Variants in TTC28 observed in about 807,000 individuals in gnomAD.
TTC28 encodes the protein tetratricopeptide repeat domain 28.
In TTC28, 61 loss-of-function variants were observed where a neutral mutation model predicts 198.0. That is an observed-to-expected ratio of 0.31 (90% CI 0.25 to 0.38). TTC28 has a LOEUF of 0.38. Among genes scored for constraint, TTC28 ranks in the 10% least tolerant of loss-of-function variants. The pLI is 1.00. For synonymous variants in TTC28, 1,171 were observed against 1,297.8 expected (o/e 0.90, Z 2.10); for missense variants, 2,678 against 3,164.0 (o/e 0.85, Z 3.69).
At chr22:28,530,981 T>C (rs570088519) in intron 2 of TTC28, among the ~76,000 whole-genome samples, 176 of 152,242 alleles carry the variant, frequency 1.2e-3, no homozygotes, top group African/African-American at 4.0e-3. Flanking sequence ...CCATTGATGC[T>C]AGGAAGAAAC....
chr22:28,394,432 T>C (rs1162743896), intron 2 of TTC28, among the ~76,000 whole-genome samples: 1 of 152,230 alleles, frequency 6.6e-6, no homozygotes, highest in Non-Finnish European at 1.5e-5. Flanking sequence ...AATCAATTTG[T>C]CTTCTCCAAA....
intron 6 of TTC28, among the ~76,000 whole-genome samples, chr22:28,137,220 G>A (rs1229663791): frequency 6.6e-6 from 1 of 152,152 alleles, no homozygotes; most frequent in Non-Finnish European, 1.5e-5. Flanking sequence ...CACCTGCAGA[G>A]TTACATTCCA....
chr22:28,369,547 G>A (rs134516), intron 2 of TTC28, among the ~76,000 whole-genome samples: 146,621 of 152,320 alleles, frequency 0.96, 70,628 homozygotes, highest in East Asian at 0.99. Context: ...TACAATCCAC[G>A]TACTTCAGAG....
chr22:28,318,589 TG>T (rs1309282573), intron 2 of TTC28, among the ~76,000 whole-genome samples: 2 of 152,194 alleles, frequency 1.3e-5, no homozygotes, highest in African/African-American at 4.8e-5. Context: ...TTGTGTTCAA[TG>T]GAAAAGATTA....
At chr22:28,002,980 T>G (rs1937774752) in intron 14 of TTC28, among the ~76,000 whole-genome samples, 2 of 152,128 alleles carry the variant, frequency 1.3e-5, no homozygotes, top group Non-Finnish European at 2.9e-5. Context: ...CGAGACTGTG[T>G]CTCAAAAACA....
intron 2 of TTC28, among the ~76,000 whole-genome samples, chr22:28,363,679 C>A (rs1020444674): frequency 6.6e-6 from 1 of 152,206 alleles, no homozygotes; most frequent in African/African-American, 2.4e-5. Context: ...CCCTGCAAAG[C>A]CACAGGGACA....
rs1229300540 is a variant in TTC28, at chr22:27,982,525, G to A, written c.7142C>T (p.Ala2381Val). The A allele has an allele frequency of 3.2e-6, 5 of 1,551,530 alleles. No homozygotes were observed. The highest frequency in any genetic ancestry group is 2.0e-5 in the Admixed American group (1 of 50,976). ...CCTTTTGGAAGTCATCGTGCCAGGA[G>A]CCCCCCGGAAGATCTTCATTGGCCC... ...STGPMKIFRG[A>V]PGTMTSKRDV... Residue 2381 changes from alanine to valine, a missense_variant, in exon 23 of 23, where the codon GCT becomes GTT. This residue lies in a region of TTC28 where 622 missense variants were observed against 656.0 expected (regional missense o/e 0.95). Transcript: ENST00000397906. The surrounding 1 kb of genome is among the most constrained non-coding windows in gnomAD (Gnocchi z 5.2).
chr22:28,162,810 T>C lies in TTC28; in HGVS notation c.1441+282A>G, dbSNP rs1921368018. 2.0e-5 allele frequency among the ~76,000 whole-genome samples: 3 copies of C among 152,162 alleles called. No individual in the cohort carries two copies. The South Asian group carries it at 6.2e-4, about 32-fold the overall frequency. On this transcript the variant is annotated intron_variant, in intron 6 of 22. Transcript: ENST00000397906. ...ACAAAAAATTTAAAAAATAGCCAGG[T>C]GTACTGGCGTGTGCCTGTCGTCCCA...
intron 2 of TTC28, among the ~76,000 whole-genome samples, chr22:28,600,357 A>G (rs2050619317): frequency 6.6e-6 from 1 of 152,184 alleles, no homozygotes; most frequent in Non-Finnish European, 1.5e-5. Flanking sequence ...GTTAGCTGTA[A>G]TCACGCCACT....
intron 2 of TTC28, among the ~76,000 whole-genome samples, chr22:28,508,206 T>C (rs2048638842): frequency 6.6e-6 from 1 of 151,582 alleles, no homozygotes; most frequent in Admixed American, 6.6e-5. Context: ...TGGAGGAAAA[T>C]TTACCAAGCA....
At chr22:28,038,820 C>T (rs1425302783) in intron 12 of TTC28, among the ~76,000 whole-genome samples, 4 of 152,152 alleles carry the variant, frequency 2.6e-5, no homozygotes, top group African/African-American at 9.7e-5. Flanking sequence ...AACAAATTTA[C>T]AAGAAAATAA....
chr22:28,063,369 TG>T (rs1420604586), intron 12 of TTC28, among the ~76,000 whole-genome samples: 1 of 152,210 alleles, frequency 6.6e-6, no homozygotes, highest in African/African-American at 2.4e-5. Flanking sequence ...ACGCCAAATG[TG>T]GCCATTGGCC....
At chr22:28,010,083 C>T (rs1429601756) in intron 14 of TTC28, among the ~76,000 whole-genome samples, 2 of 152,180 alleles carry the variant, frequency 1.3e-5, no homozygotes, top group Non-Finnish European at 2.9e-5. Flanking sequence ...GCATGCCTCA[C>T]CTCAAGATAG....
intron 2 of TTC28, among the ~76,000 whole-genome samples, chr22:28,331,382 G>A (rs2045614221): frequency 6.6e-6 from 1 of 152,032 alleles, no homozygotes; most frequent in Non-Finnish European, 1.5e-5. Context: ...ATGCTCCACA[G>A]CCCCAAAGAT....
intron 2 of TTC28, among the ~76,000 whole-genome samples, chr22:28,593,696 TA>T (rs2073523973): frequency 6.6e-6 from 1 of 152,330 alleles, no homozygotes; most frequent in African/African-American, 2.4e-5. Context: ...ACTCTTTTTG[TA>T]CCTTCTTAAA....
chr22:28,288,945 T>C (rs2044737975), intron 5 of TTC28, among the ~76,000 whole-genome samples: 1 of 152,208 alleles, frequency 6.6e-6, no homozygotes, highest in South Asian at 2.1e-4. Context: ...AGAAATTATC[T>C]ACTCACAGCA....
At chr22:28,521,228 A>G (rs1420887248) in intron 2 of TTC28, among the ~76,000 whole-genome samples, 6 of 151,570 alleles carry the variant, frequency 4.0e-5, no homozygotes, top group African/African-American at 1.5e-4. Flanking sequence ...GCAAGATCCT[A>G]TCTCTACCAA....
chr22:28,287,883 C>T (rs767223723), intron 5 of TTC28, among the ~76,000 whole-genome samples: 1 of 152,070 alleles, frequency 6.6e-6, no homozygotes, highest in Non-Finnish European at 1.5e-5. Context: ...AACAGGGCTT[C>T]ACAAATTAGA....
At chr22:28,268,358 G>A (rs976412170) in intron 5 of TTC28, among the ~76,000 whole-genome samples, 30 of 152,160 alleles carry the variant, frequency 2.0e-4, no homozygotes, top group Non-Finnish European at 5.9e-5. Context: ...AGACAGTGTG[G>A]GGTGTGTGCC....
Sources: allele counts gnomAD v4.1 joint callset (sites outside exome capture counted in the v4.1 genomes callset), GRCh38; gene constraint gnomAD v4.1.1; regional missense constraint gnomAD v4.1.1; non-coding constraint Gnocchi (gnomAD v3.1); transcripts MANE v1.5; gene names NCBI Gene and HGNC (gene_info 2026-07-23, HGNC 2026-07-21).